The following PTGIS variants were observed in gnomAD, a reference collection of about 807,000 sequenced individuals.
PTGIS encodes the protein prostaglandin I2 synthase, also known as prostacyclin synthase.
In PTGIS, 45 loss-of-function variants were observed where a neutral mutation model predicts 50.3. That is an observed-to-expected ratio of 0.90 (90% confidence interval 0.70 to 1.15). PTGIS has a LOEUF of 1.15. Among genes scored for constraint, PTGIS ranks in the 50% most tolerant of loss-of-function variants. The probability of loss-of-function intolerance (pLI) is 0.00; values close to 1 mark genes in which losing one functional copy is unlikely to be tolerated. For synonymous variants in PTGIS, 260 were observed against 267.7 expected, an observed-to-expected ratio of 0.97 and a Z score of 0.28; for missense variants, 668 against 661.3, an observed-to-expected ratio of 1.01 and a Z score of -0.11.
intron 6 of PTGIS, among the ~76,000 whole-genome samples, chr20:49,522,903 AG>A (rs1486798161): frequency 1.3e-5 from 2 of 152,220 alleles, no homozygotes; most frequent in Admixed American, 1.3e-4. Context: ...ATGCGCCTGT[AG>A]TCCCAGCTAT....
At chr20:49,557,075 CTT>C (rs934149960) in intron 1 of PTGIS, among the ~76,000 whole-genome samples, 2 of 152,192 alleles carry the variant, frequency 1.3e-5, no homozygotes, top group African/African-American at 4.8e-5. Flanking sequence ...TTCGTTCTTT[CTT>C]TTTTGTTTAT....
At chr20:49,527,623 T>C (rs1981824774) in intron 5 of PTGIS, among the ~76,000 whole-genome samples, 1 of 152,166 alleles carries the variant, frequency 6.6e-6, no homozygotes. Flanking sequence ...TATTGTTTAA[T>C]GGGCACAAAG....
chr20:49,517,642 C>T (rs765064105), intron 6 of PTGIS, among the ~76,000 whole-genome samples: 15 of 152,202 alleles, frequency 9.9e-5, no homozygotes, highest in Non-Finnish European at 2.1e-4. Flanking sequence ...CCTGTTCTAG[C>T]TTTCCTGTGA....
Position 49,513,114 on chromosome 20 carries a change from G to A in PTGIS, c.1172C>T (p.Pro391Leu), listed in dbSNP as rs1182453122. Residue 391 changes from proline (P) to leucine (L), a missense_variant, in exon 8 of 10, where the codon CCC (proline) becomes CTC (leucine). Transcript: ENST00000244043. The part of the protein sequence containing the change: ...DRLLLFPFLS[P>L]QRDPEIYTDP... ...TGTGTAGATTTCTGGGTCTCTCTGG[G>A]GGCTCAGGAAGGGGAAGAGGAGGAG... 6.2e-7 allele frequency: 1 copy of A among 1,608,856 alleles called. No individual in the cohort carries two copies. The highest frequency in any genetic ancestry group is 8.5e-7 in the Non-Finnish European group (1 of 1,177,790).
chr20:49,552,006 C>T (rs1427026328), intron 1 of PTGIS, among the ~76,000 whole-genome samples: 1 of 152,148 alleles, frequency 6.6e-6, no homozygotes, highest in Non-Finnish European at 1.5e-5. Flanking sequence ...TAATTTCTAA[C>T]AGCCTGGGAT....
chr20:49,551,981 A>G (rs1333509086), intron 1 of PTGIS, among the ~76,000 whole-genome samples: 1 of 152,044 alleles, frequency 6.6e-6, no homozygotes, highest in African/African-American at 2.4e-5. Flanking sequence ...CCTCTGCTGC[A>G]TAAGGGACCT....
chr20:49,552,607 C>T (rs1396309547), intron 1 of PTGIS, among the ~76,000 whole-genome samples: 1 of 151,854 alleles, frequency 6.6e-6, no homozygotes, highest in African/African-American at 2.4e-5. Flanking sequence ...CTTTAGTATG[C>T]AAGTTTGGCT....
chr20:49,568,019 G>C (rs748053408), intron 1 of PTGIS, 24 bp downstream of exon 1: 2 of 1,473,766 alleles, frequency 1.4e-6, no homozygotes. Context: ...TGTCTGGCGG[G>C]GCCGAGCGGA....
chr20:49,533,308 GC>G (rs913283309), intron 5 of PTGIS, among the ~76,000 whole-genome samples: 7 of 152,088 alleles, frequency 4.6e-5, no homozygotes, highest in Non-Finnish European at 7.3e-5. Context: ...ATATAAGAAT[GC>G]CTTTTTCCCC....
intron 6 of PTGIS, among the ~76,000 whole-genome samples, chr20:49,522,738 A>G (rs1261157123): frequency 6.6e-6 from 1 of 152,246 alleles, no homozygotes; most frequent in Non-Finnish European, 1.5e-5. Flanking sequence ...AGATTAAAGA[A>G]AATGGGTCGG....
At position 49,508,072 on chromosome 20, in the gene PTGIS, G is replaced by A; in HGVS notation, c.1359-8C>T. ...AGCACAAGGAACACAAATCTGCAGA[G>A]AGATGGCATGGAAGGTGTGAAGGAG... On this transcript the variant is annotated splice_polypyrimidine_tract_variant and splice_region_variant and intron_variant, in intron 9 of 9. Coordinates refer to ENST00000244043, the MANE Select transcript of PTGIS (RefSeq NM_000961.4). The A allele has an allele frequency of 6.2e-7, 1 of 1,613,656 alleles. No individual in the cohort carries two copies. Among genetic ancestry groups the A allele is most frequent in the Non-Finnish European group, 8.5e-7 (1 of 1,180,036 alleles).
chr20:49,513,078 AC>A lies in PTGIS; in HGVS notation c.1206+1del. 6.2e-7 allele frequency: 1 copy of A among 1,614,008 alleles called. No homozygotes were observed. Among genetic ancestry groups the A allele is most frequent in the South Asian group, 1.1e-5 (1 of 91,062 alleles). The stretch of plus-strand genomic sequence containing the variant: ...ATATGACCAGGCGCCCCTGCCATTT[AC>A]CTCTGGGTCTGTGTAGATTTCTGGG... On this transcript the variant is annotated splice_donor_variant, in intron 8 of 9. Transcript: ENST00000244043. LOFTEE classifies it high-confidence loss of function.
intron 2 of PTGIS, among the ~76,000 whole-genome samples, chr20:49,549,019 G>A (rs922624962): frequency 6.6e-6 from 1 of 152,094 alleles, no homozygotes; most frequent in Non-Finnish European, 1.5e-5. Context: ...TTGAATAGAT[G>A]TTGTAAGGAT....
At chr20:49,538,401 A>C (rs1261742939) in intron 5 of PTGIS, among the ~76,000 whole-genome samples, 1 of 152,112 alleles carries the variant, frequency 6.6e-6, no homozygotes, top group Non-Finnish European at 1.5e-5. Flanking sequence ...CCGTCTCAAA[A>C]AAATTGTTTT....
intron 4 of PTGIS, among the ~76,000 whole-genome samples, chr20:49,542,912 C>T (rs1443063532): frequency 6.6e-6 from 1 of 152,096 alleles, no homozygotes; most frequent in Non-Finnish European, 1.5e-5. Context: ...GTCCTAGCCT[C>T]CTAGAGCGAT....
chr20:49,517,546 C>A (rs1981520232), intron 6 of PTGIS, among the ~76,000 whole-genome samples: 1 of 152,156 alleles, frequency 6.6e-6, no homozygotes, highest in Admixed American at 6.5e-5. Context: ...CGGAGCCTTG[C>A]CTCCGTTTAC....
chr20:49,510,927 C>T, intron 9 of PTGIS, 101 bp downstream of exon 9: 1 of 1,181,772 alleles, frequency 8.5e-7, no homozygotes. Context: ...AAGCCTCTGC[C>T]AAACCATTCT....
At chr20:49,537,704 G>A (rs1394162915) in intron 5 of PTGIS, among the ~76,000 whole-genome samples, 1 of 152,274 alleles carries the variant, frequency 6.6e-6, no homozygotes, top group South Asian at 2.1e-4. Flanking sequence ...GCAGCGAGCC[G>A]AGATTGTGCC....
At chr20:49,550,303 C>A in intron 1 of PTGIS, 114 bp from the exon 2 acceptor site, 1 of 1,366,308 alleles carries the variant, frequency 7.3e-7, no homozygotes, top group Non-Finnish European at 1.0e-6. Context: ...CTGAATGGAG[C>A]ACTCGGGGAC....
Sources: gnomAD v4.1 joint callset for allele counts (sites outside exome capture counted in the v4.1 genomes callset) on GRCh38, gnomAD v4.1.1 for gene constraint, MANE v1.5 for transcripts, NCBI Gene and HGNC (gene_info 2026-07-23, HGNC 2026-07-21) for gene names.